INPP4B: variants seen among roughly 807,000 people sequenced by gnomAD.
INPP4B encodes inositol polyphosphate-4-phosphatase type II B.
A neutral mutation model predicts 122.5 loss-of-function variants in INPP4B; 55 were observed. The ratio of observed to expected loss-of-function variants is 0.45; its 90% confidence interval spans 0.36 to 0.56. The LOEUF is 0.56. INPP4B is among the 20% of genes least tolerant of loss of function. The pLI is 0.00. For missense variants in INPP4B, 1,000 were observed against 1,097.7 expected (o/e 0.91, Z 1.26); for synonymous variants, 403 against 388.7 (o/e 1.04, Z -0.43).
intron 9 of INPP4B, among the ~76,000 whole-genome samples, chr4:142,286,413 C>G (rs1753719765): frequency 6.6e-6 from 1 of 152,096 alleles, no homozygotes; most frequent in South Asian, 2.1e-4. Context: ...AGTAGAAAGA[C>G]AGTAAAAACT....
chr4:142,118,220 A>T lies in INPP4B; in HGVS notation c.2135+3908T>A, dbSNP rs868680278. 2.0e-5 allele frequency among the ~76,000 whole-genome samples: 3 copies of T among 152,208 alleles called. No homozygotes were observed. The South Asian group carries it at 6.2e-4, about 31-fold the overall frequency. Reference sequence around the variant, plus strand: ...TATCGTGAAAATGGCCATACTGCCCAAGGTAATTTATAGATTCAATGCCAA... The same window carrying T: ...TATCGTGAAAATGGCCATACTGCCCTAGGTAATTTATAGATTCAATGCCAA... On this transcript the variant is annotated intron_variant, in intron 21 of 25. Transcript: ENST00000262992.
intron 11 of INPP4B, among the ~76,000 whole-genome samples, chr4:142,246,861 C>A (rs1449286970): frequency 1.3e-5 from 2 of 152,140 alleles, no homozygotes; most frequent in African/African-American, 4.8e-5. Context: ...GAGAGGGCAT[C>A]CTTGACTTGT....
intron 1 of INPP4B, among the ~76,000 whole-genome samples, chr4:142,788,569 C>A (rs1056400074): frequency 3.9e-5 from 6 of 151,998 alleles, no homozygotes; most frequent in Non-Finnish European, 5.9e-5. Context: ...CACCCATCAC[C>A]CAAGCAGTAT....
chr4:142,696,186 C>T (rs1760997451), intron 2 of INPP4B, among the ~76,000 whole-genome samples: 1 of 152,110 alleles, frequency 6.6e-6, no homozygotes, highest in African/African-American at 2.4e-5. Context: ...TTAAGGCACA[C>T]TCTGATTCTA....
At chr4:142,068,590 T>A (rs192411353) in intron 25 of INPP4B, among the ~76,000 whole-genome samples, 46 of 152,194 alleles carry the variant, frequency 3.0e-4, no homozygotes, top group Middle Eastern at 6.8e-3. Context: ...GAGACCCATC[T>A]CACGTGCAGA....
chr4:142,135,958 G>A (rs919132567), intron 18 of INPP4B, among the ~76,000 whole-genome samples: 11 of 152,058 alleles, frequency 7.2e-5, no homozygotes, highest in African/African-American at 2.7e-4. Flanking sequence ...CACCATGCCT[G>A]GCTAATTTTT....
At chr4:142,109,966 T>A (rs557817083) in intron 22 of INPP4B, among the ~76,000 whole-genome samples, 1 of 152,290 alleles carries the variant, frequency 6.6e-6, no homozygotes, top group Admixed American at 6.5e-5. Context: ...CCCAAAAATC[T>A]AGAGGAGTTT....
chr4:142,515,717 A>G (rs1296832167), intron 2 of INPP4B, among the ~76,000 whole-genome samples: 1 of 152,224 alleles, frequency 6.6e-6, no homozygotes, highest in Non-Finnish European at 1.5e-5. Context: ...GTGTAAGGAT[A>G]TGATGTTCAA....
intron 2 of INPP4B, among the ~76,000 whole-genome samples, chr4:142,476,043 A>G: frequency 6.6e-6 from 1 of 152,196 alleles, no homozygotes; most frequent in African/African-American, 2.4e-5. Context: ...CATAATTATC[A>G]GATTCTTCAA....
intron 1 of INPP4B, among the ~76,000 whole-genome samples, chr4:142,813,641 G>A (rs1234449082): frequency 6.6e-6 from 1 of 152,058 alleles, no homozygotes; most frequent in Non-Finnish European, 1.5e-5. Context: ...CTTTCTCATG[G>A]CACATATTAT....
intron 11 of INPP4B, among the ~76,000 whole-genome samples, chr4:142,245,282 C>A (rs775305510): frequency 6.6e-6 from 1 of 152,170 alleles, no homozygotes. Flanking sequence ...GTCATGAAGT[C>A]TTTGCCCATG....
chr4:142,041,064 T>A (rs1747163181), intron 25 of INPP4B, among the ~76,000 whole-genome samples: 1 of 152,028 alleles, frequency 6.6e-6, no homozygotes, highest in Non-Finnish European at 1.5e-5. Context: ...CAAATAAAAA[T>A]AAAAGTCCAC....
At chr4:142,450,430 A>G (rs543646141) in intron 3 of INPP4B, among the ~76,000 whole-genome samples, 46 of 152,290 alleles carry the variant, frequency 3.0e-4, no homozygotes, top group South Asian at 1.9e-3. Context: ...GCAGAGGGAG[A>G]AGGAGGGAGA....
chr4:142,515,866 C>T (rs17016284), intron 2 of INPP4B, among the ~76,000 whole-genome samples: 25,066 of 152,006 alleles, frequency 0.16, 2,228 homozygotes, highest in East Asian at 0.31. Context: ...AATTTAAATG[C>T]TTGTTTTATT....
intron 2 of INPP4B, among the ~76,000 whole-genome samples, chr4:142,463,202 G>T (rs576866709): frequency 1.4e-4 from 21 of 152,264 alleles, no homozygotes; most frequent in South Asian, 4.1e-4. Flanking sequence ...GTATGCATGA[G>T]GCCTTAGGCT....
chr4:142,542,626 G>A (rs1014484327), intron 2 of INPP4B, among the ~76,000 whole-genome samples: 1 of 152,122 alleles, frequency 6.6e-6, no homozygotes, highest in Non-Finnish European at 1.5e-5. Flanking sequence ...AATAAAATAT[G>A]AAGTAGTTTT....
intron 3 of INPP4B, among the ~76,000 whole-genome samples, chr4:142,454,429 CCA>C: frequency 6.6e-6 from 1 of 152,196 alleles, no homozygotes; most frequent in African/African-American, 2.4e-5. Flanking sequence ...TGATTCTTTC[CCA>C]CTTCATGAAC....
Position 142,260,578 on chromosome 4 carries a change from T to TAAAA in INPP4B, c.616-18_616-15dup. ...TACCAGGGCACACTAGGAAAAAATG[T>TAAAA]AAAAAAAAAAAAAAAATTTTGAGAA... On this transcript the variant is annotated splice_polypyrimidine_tract_variant and intron_variant, in intron 10 of 25. Coordinates refer to ENST00000262992, the MANE Select transcript of INPP4B (RefSeq NM_001101669.3). 1.7e-5 allele frequency: 19 copies of TAAAA among 1,086,122 alleles called. No homozygotes were observed. The highest frequency in any genetic ancestry group is 2.4e-5 in the Non-Finnish European group (19 of 796,920). The allele number at this position is 1,086,122 out of a possible 1,614,324, so 67.3% of individuals were successfully genotyped here.
In INPP4B at chr4:142,268,322, C is replaced by CAAAAAAAAAAAAAAAAAAAAAAAAAAAAA. The variant is rs56908599; in HGVS notation, c.615+2340_615+2341insTTTTTTTTTTTTTTTTTTTTTTTTTTTTT. Among the ~76,000 whole-genome samples the CAAAAAAAAAAAAAAAAAAAAAAAAAAAAA allele has an allele frequency of 5.4e-3, 37 of 6,902 alleles. 16 individuals carry two copies. Among genetic ancestry groups the CAAAAAAAAAAAAAAAAAAAAAAAAAAAAA allele is most frequent in the Non-Finnish European group, 0.013 (31 of 2,410 alleles). The allele number at this position is 6,902 out of a possible 152,430, so 4.5% of individuals were successfully genotyped here. On this transcript the variant is annotated intron_variant, in intron 10 of 25. Transcript: ENST00000262992. ...TGGGTGACAGAGCAAGACTCCGTCT[C>CAAAAAAAAAAAAAAAAAAAAAAAAAAAAA]AAAAAAAAAAAAAAAAAAAAAAAAT...
Sources: gnomAD v4.1 joint callset for allele counts (sites outside exome capture counted in the v4.1 genomes callset) on GRCh38, gnomAD v4.1.1 for gene constraint, MANE v1.5 for transcripts, NCBI Gene and HGNC (gene_info 2026-07-23, HGNC 2026-07-21) for gene names.